CCNE1: variants seen among roughly 807,000 people sequenced by gnomAD.
The protein encoded by CCNE1 is G1/S-specific cyclin-E1.
In CCNE1, 8 loss-of-function variants were observed where a neutral mutation model predicts 54.1. The observed-to-expected ratio is 0.15, with a 90% confidence interval of 0.09 to 0.27. CCNE1 has a LOEUF of 0.27. CCNE1 is among the 10% of genes least tolerant of loss of function. The pLI is 1.00. For missense variants in CCNE1, 430 were observed against 514.9 expected (o/e 0.84, Z 1.60); for synonymous variants, 179 against 185.2 (o/e 0.97, Z 0.27).
chr19:29,812,646 G>C, intron 2 of CCNE1, 43 bp from the exon 3 acceptor site: 2 of 1,557,500 alleles, frequency 1.3e-6, no homozygotes, highest in South Asian at 2.4e-5. Context: ...GGGGAGGGGC[G>C]GCCGCGGGTG....
intron 1 of CCNE1, among the ~76,000 whole-genome samples, 177 bp from the exon 2 acceptor site, chr19:29,812,355 G>A (rs1446985438): frequency 1.3e-5 from 2 of 149,690 alleles, no homozygotes; most frequent in Non-Finnish European, 3.0e-5. Flanking sequence ...GCCGGTGAGG[G>A]CGGCGGGGGC....
rs541526844 is a variant in CCNE1 at position 29,820,028 on chromosome 19, A to G, written c.463-674A>G. Among the ~76,000 whole-genome samples, 15 of 152,384 alleles carry G rather than the reference A, an allele frequency of 9.8e-5. No homozygotes were observed. In the South Asian group the frequency reaches 2.9e-3, roughly 29 times the overall value. On this transcript the variant is annotated intron_variant, in intron 6 of 11. Coordinates refer to ENST00000262643, the MANE Select transcript of CCNE1 (RefSeq NM_001238.4). The stretch of plus-strand genomic sequence containing the variant: ...CACGGCTTCTCTTTGGCATTTCCAA[A>G]TAGCCAGCATCACTACTCTTGCCCT...
intron 4 of CCNE1, among the ~76,000 whole-genome samples, chr19:29,816,400 A>G (rs1160601643): frequency 6.6e-6 from 1 of 152,208 alleles, no homozygotes; most frequent in East Asian, 1.9e-4. Flanking sequence ...TTTGGTTTCT[A>G]ATAGTTCCTT....
At chr19:29,818,978 G>A in intron 6 of CCNE1, among the ~76,000 whole-genome samples, 1 of 151,812 alleles carries the variant, frequency 6.6e-6, no homozygotes, top group East Asian at 1.9e-4. Flanking sequence ...GGTCAGGCTG[G>A]TCTTGAAGTC....
Position 29,823,325 on chromosome 19 carries a change from C to T in CCNE1, c.1111-330C>T, listed in dbSNP as rs111969515. Among the ~76,000 whole-genome samples, 502 of 152,130 alleles carry T rather than the reference C, an allele frequency of 3.3e-3. 1 individual carries two copies. The highest frequency in any genetic ancestry group is 0.012 in the African/African-American group (481 of 41,498). ...TTGGGAGGCGGAGGCGGGCAGATCG[C>T]CTGATATCAGGAGTTCAAGACTAGC... On this transcript the variant is annotated intron_variant, in intron 11 of 11. Transcript: ENST00000262643.
intron 6 of CCNE1, among the ~76,000 whole-genome samples, chr19:29,819,605 A>G (rs966969610): frequency 2.0e-5 from 3 of 152,184 alleles, no homozygotes; most frequent in East Asian, 3.8e-4. Flanking sequence ...GGTCCACACT[A>G]TTTTATTTCT....
chr19:29,816,155 CAAAA>C (rs756490349), intron 4 of CCNE1, among the ~76,000 whole-genome samples: 8 of 73,232 alleles, frequency 1.1e-4, no homozygotes, highest in Non-Finnish European at 1.7e-4. Context: ...GACCCTCTCT[CAAAA>C]AAAAAAAAAA....
chr19:29,822,561 T>A lies in CCNE1; in HGVS notation c.1068T>A (p.Asp356Glu), dbSNP rs367679106. Residue 356 changes from aspartate to glutamate, a missense_variant, in exon 11 of 12, where the codon GAT becomes GAA. By Grantham distance (45) the Asp-to-Glu change is conservative (BLOSUM62 2). This residue lies in a region of CCNE1 where 303 missense variants were observed against 401.1 expected (regional missense o/e 0.76). Coordinates refer to ENST00000262643, the MANE Select transcript of CCNE1 (RefSeq NM_001238.4). ...LKHFRGVADE[D>E]AHNIQTHRDS... ...ACTTCAGGGGCGTCGCTGATGAAGA[T>A]GCACACAACATACAGACCCACAGAG... 1 of 1,614,040 alleles carries A rather than the reference T, an allele frequency of 6.2e-7. No homozygotes were observed. Among genetic ancestry groups the A allele is most frequent in the Non-Finnish European group, 8.5e-7 (1 of 1,180,014 alleles).
chr19:29,818,723 A>G (rs1256324395), intron 6 of CCNE1, among the ~76,000 whole-genome samples: 1 of 151,094 alleles, frequency 6.6e-6, no homozygotes, highest in African/African-American at 2.4e-5. Flanking sequence ...TGAGCCCAGG[A>G]GTTAGAGACT....
chr19:29,823,826 C>A lies in CCNE1; in HGVS notation c.*49C>A. The A allele has an allele frequency of 6.5e-7, 1 of 1,548,118 alleles. No homozygotes were observed. Among genetic ancestry groups the A allele is most frequent in the South Asian group, 1.2e-5 (1 of 82,706 alleles). ...GACAGTTGCGCGCCTGCTCCACGTT[C>A]TCTTCTGTCTGTTGCAGCGGAGGCG... is the stretch of plus-strand genomic sequence containing the variant. On this transcript the variant is annotated 3_prime_UTR_variant, in exon 12 of 12. Transcript: ENST00000262643.
intron 4 of CCNE1, among the ~76,000 whole-genome samples, chr19:29,815,277 G>A (rs1973985734): frequency 2.0e-5 from 3 of 152,216 alleles, no homozygotes; most frequent in Admixed American, 2.0e-4. Flanking sequence ...CCTGAATGAA[G>A]AACAACTTAC....
Position 29,824,149 on chromosome 19 carries a change from C to T in CCNE1, c.*372C>T, listed in dbSNP as rs2145733293. 1 of 270,566 alleles carries T rather than the reference C, an allele frequency of 3.7e-6. No homozygotes were observed. The highest frequency in any genetic ancestry group is 5.4e-5 in the East Asian group (1 of 18,596). 16.8% of individuals were successfully genotyped at this position (270,566 alleles called of 1,614,324 possible). On this transcript the variant is annotated 3_prime_UTR_variant, in exon 12 of 12. Coordinates refer to ENST00000262643, the MANE Select transcript of CCNE1 (RefSeq NM_001238.4). The stretch of plus-strand genomic sequence containing the variant: ...CTGGGCTCCGTTGTACCAAGTGGAG[C>T]AGGTGGTTGCGGGCAAGCGTTGTGC...
intron 11 of CCNE1, 56 bp from the exon 12 acceptor site, chr19:29,823,599 G>T: frequency 1.4e-6 from 2 of 1,438,876 alleles, no homozygotes; most frequent in Non-Finnish European, 1.9e-6. Flanking sequence ...TATGGTAATT[G>T]AAGCCCAAGG....
chr19:29,817,086 A>G (rs371619938), intron 4 of CCNE1, 51 bp from the exon 5 acceptor site: 2 of 1,582,746 alleles, frequency 1.3e-6, no homozygotes, highest in African/African-American at 1.3e-5. Context: ...TGGGTAATGT[A>G]AGAGCTGTTT....
rs1327430083 is a variant in CCNE1, at chr19:29,812,789, G to C, written c.111+13G>C. ...AAACGTGACCGTTGTGAGTACAAAA[G>C]AGACAGGTTGGGGAGCATCCCCCCC... is the stretch of plus-strand genomic sequence containing the variant. On this transcript the variant is annotated intron_variant, in intron 3 of 11. Transcript: ENST00000262643. The C allele has an allele frequency of 8.3e-6, 13 of 1,565,622 alleles. No individual in the cohort carries two copies. The highest frequency in any genetic ancestry group is 2.3e-5 in the East Asian group (1 of 43,522).
At chr19:29,821,849 T>G in intron 8 of CCNE1, 32 bp downstream of exon 8, 2 of 1,550,646 alleles carry the variant, frequency 1.3e-6, no homozygotes, top group Non-Finnish European at 1.8e-6. Context: ...GGCCATTTTT[T>G]AAATGCGTAC....
Position 29,822,298 on chromosome 19 carries a change from C to A in CCNE1, c.899C>A (p.Ala300Asp). 1 of 1,614,012 alleles carries A rather than the reference C, an allele frequency of 6.2e-7. No homozygotes were observed. The highest frequency in any genetic ancestry group is 8.5e-7 in the Non-Finnish European group (1 of 1,180,024). The stretch of plus-strand genomic sequence containing the variant: ...CTTGAATTTCCTTATGGTATACTTG[C>A]TGCTTCGGCCTTGTATCATTTCTCG... ...DCLEFPYGIL[A>D]ASALYHFSSS... Residue 300 changes from alanine to aspartate, a missense_variant, in exon 10 of 12, where the codon GCT becomes GAT. Around this residue, in one of 2 missense-constraint regions of CCNE1, gnomAD observed 303 missense variants for 401.1 expected, o/e 0.76. Transcript: ENST00000262643.
At chr19:29,823,287 T>G (rs1217651666) in intron 11 of CCNE1, among the ~76,000 whole-genome samples, 1 of 152,026 alleles carries the variant, frequency 6.6e-6, no homozygotes, top group Non-Finnish European at 1.5e-5. Flanking sequence ...CACATGTCTG[T>G]AGTCCCAGCA....
intron 3 of CCNE1, 85 bp downstream of exon 3, chr19:29,812,861 C>G: frequency 3.2e-6 from 5 of 1,585,282 alleles, no homozygotes; most frequent in Non-Finnish European, 4.3e-6. Context: ...GGGCGGGGGT[C>G]CCTTGGGCAG....
Sources: allele counts gnomAD v4.1 joint callset (sites outside exome capture counted in the v4.1 genomes callset), GRCh38; gene constraint gnomAD v4.1.1; regional missense constraint gnomAD v4.1.1; transcripts MANE v1.5; gene names NCBI Gene and HGNC (gene_info 2026-07-23, HGNC 2026-07-21).